TIAM2: variants seen among roughly 807,000 people sequenced by gnomAD.
TIAM2 encodes TIAM Rac1 associated GEF 2, also known as rho guanine nucleotide exchange factor TIAM2.
A neutral mutation model predicts 152.9 loss-of-function variants in TIAM2; 80 were observed. That is an observed-to-expected ratio of 0.52 (90% CI 0.44 to 0.63). TIAM2 has a LOEUF of 0.63. Among genes scored for constraint, TIAM2 ranks in the 30% least tolerant of loss-of-function variants. TIAM2 has a pLI of 0.00. For missense variants in TIAM2, 1,965 were observed against 2,120.1 expected, an observed-to-expected ratio of 0.93 and a Z score of 1.44; for synonymous variants, 804 against 838.0, an observed-to-expected ratio of 0.96 and a Z score of 0.70.
intron 2 of TIAM2, among the ~76,000 whole-genome samples, chr6:155,114,555 C>T (rs879320710): frequency 6.6e-6 from 1 of 151,918 alleles, no homozygotes; most frequent in Admixed American, 6.6e-5. Context: ...AAGACAATTA[C>T]CATGAAGCTT....
intron 4 of TIAM2, among the ~76,000 whole-genome samples, chr6:155,134,995 G>T (rs1779526657): frequency 6.6e-6 from 1 of 151,860 alleles, no homozygotes; most frequent in Admixed American, 6.6e-5. Context: ...GTGAGCCACC[G>T]AGCCCAGCCA....
At chr6:155,163,534 T>C (rs1231485716) in intron 7 of TIAM2, among the ~76,000 whole-genome samples, 1 of 152,232 alleles carries the variant, frequency 6.6e-6, no homozygotes, top group Non-Finnish European at 1.5e-5. Flanking sequence ...AACAGCTGCA[T>C]ATACTTTAAT....
In TIAM2 at chr6:155,130,123, G is replaced by A. The variant is rs767091470; in HGVS notation, c.900G>A (p.Arg300=). Residue 300 remains arginine (R), a synonymous_variant, in exon 4 of 27, where the codon CGG becomes CGA. Coordinates refer to ENST00000682666, the MANE Select transcript of TIAM2 (RefSeq NM_012454.4). ...AAAGCTCTTCCCTCTCCTCCCTCCG[G>A]GAACTGTACAAAGATGCCAACCTGG... ...FNQSSSLSSL[R]ELYKDANLGS... The A allele has an allele frequency of 1.4e-5, 22 of 1,613,986 alleles. No individual in the cohort carries two copies. The highest frequency in any genetic ancestry group is 1.8e-5 in the Non-Finnish European group (21 of 1,180,038).
At chr6:155,163,559 C>T (rs1008271222) in intron 7 of TIAM2, among the ~76,000 whole-genome samples, 10 of 152,136 alleles carry the variant, frequency 6.6e-5, no homozygotes, top group African/African-American at 2.4e-4. Flanking sequence ...TTTAGATGTA[C>T]AGATGGCAGT....
intron 1 of TIAM2, among the ~76,000 whole-genome samples, chr6:155,037,072 C>T (rs568694876): frequency 1.5e-4 from 23 of 152,314 alleles, no homozygotes; most frequent in African/African-American, 4.6e-4. Flanking sequence ...AGTTCAAGAA[C>T]ATTCTTCTAA....
intron 4 of TIAM2, among the ~76,000 whole-genome samples, chr6:155,131,964 A>G (rs1374469336): frequency 6.6e-6 from 1 of 151,992 alleles, no homozygotes; most frequent in Non-Finnish European, 1.5e-5. Flanking sequence ...ATAGAAAAAT[A>G]TATATACTGA....
At chr6:155,113,409 T>C (rs1778908519) in intron 2 of TIAM2, among the ~76,000 whole-genome samples, 1 of 152,106 alleles carries the variant, frequency 6.6e-6, no homozygotes, top group African/African-American at 2.4e-5. Context: ...TCAAAGTGCT[T>C]ATCACCTCCT....
At position 155,141,881 on chromosome 6, in the gene TIAM2, T is replaced by G. The variant is rs549757201; in HGVS notation, c.1631-2725T>G. Among the ~76,000 whole-genome samples, 9 of 152,298 alleles carry G rather than the reference T, an allele frequency of 5.9e-5. No individual in the cohort carries two copies. In the East Asian group the frequency reaches 1.7e-3, roughly 29 times the overall value. ...GACTAATTGCCCTCTTTCCCCTGGG[T>G]GAGATTTCTACTAATATTACGTCTC... On this transcript the variant is annotated intron_variant, in intron 5 of 26. Coordinates refer to ENST00000682666, the MANE Select transcript of TIAM2 (RefSeq NM_012454.4).
intron 1 of TIAM2, among the ~76,000 whole-genome samples, chr6:155,069,952 A>C: frequency 7.6e-6 from 1 of 132,402 alleles, no homozygotes; most frequent in Admixed American, 8.5e-5. Context: ...TTTTTGTGTG[A>C]CCCAGGCTGG....
At chr6:155,078,400 C>T (rs1777999635) in intron 1 of TIAM2, among the ~76,000 whole-genome samples, 2 of 152,142 alleles carry the variant, frequency 1.3e-5, no homozygotes, top group Non-Finnish European at 2.9e-5. Flanking sequence ...TTAGTAGCTG[C>T]CAGCATTAGG....
At chr6:155,099,216 ATATATG>A (rs1268349509) in intron 2 of TIAM2, among the ~76,000 whole-genome samples, 1 of 63,072 alleles carries the variant, frequency 1.6e-5, no homozygotes, top group East Asian at 4.8e-4. Flanking sequence ...ATGTGTATAT[ATATATG>A]TGTGTGTGTG....
At chr6:155,212,936 A>C (rs114093740) in intron 15 of TIAM2, among the ~76,000 whole-genome samples, 35 of 152,168 alleles carry the variant, frequency 2.3e-4, no homozygotes, top group Non-Finnish European at 4.0e-4. Flanking sequence ...GCTGGATCAC[A>C]CATATTACAA....
In TIAM2 at chr6:155,016,454, A is replaced by G. The variant is rs569236906; in HGVS notation, c.-209+20962A>G. 7.8e-5 allele frequency: 11 copies of G among 141,788 alleles called. No homozygotes were observed. In the South Asian group the frequency reaches 2.4e-3, roughly 31 times the overall value. The allele number at this position is 141,788 out of a possible 1,614,324, so 8.8% of individuals were successfully genotyped here. A position where few individuals can be genotyped will look rare whatever the true frequency, so the allele number is the denominator to read the frequency against. On this transcript the variant is annotated intron_variant, in intron 1 of 26. Coordinates refer to ENST00000682666, the MANE Select transcript of TIAM2 (RefSeq NM_012454.4). ...ATGTTAATGGTGCTTGGGAGGAGAG[A>G]GATTGGTAGTATGGGAATACTATAT...
chr6:155,045,838 C>G (rs1361164705), intron 1 of TIAM2, among the ~76,000 whole-genome samples: 4 of 45,138 alleles, frequency 8.9e-5, no homozygotes, highest in Non-Finnish European at 1.4e-4. Flanking sequence ...ACATAGTGCC[C>G]TCTTTTTTTT....
At chr6:155,181,518 A>G (rs1268267478) in intron 12 of TIAM2, among the ~76,000 whole-genome samples, 1 of 152,200 alleles carries the variant, frequency 6.6e-6, no homozygotes, top group African/African-American at 2.4e-5. Flanking sequence ...TTAGGTGTAC[A>G]GTTTTGTGAT....
intron 7 of TIAM2, among the ~76,000 whole-genome samples, chr6:155,160,127 GAGAGAC>G (rs1245631932): frequency 1.3e-5 from 2 of 152,170 alleles, no homozygotes; most frequent in Non-Finnish European, 2.9e-5. Flanking sequence ...GGAGACCTGG[GAGAGAC>G]AATGGTATAG....
At chr6:155,098,713 G>A (rs1778476362) in intron 2 of TIAM2, among the ~76,000 whole-genome samples, 2 of 152,144 alleles carry the variant, frequency 1.3e-5, no homozygotes, top group Admixed American at 1.3e-4. Flanking sequence ...CCCTGGCCAG[G>A]ATTTCCAGTA....
At chr6:154,997,629 A>ATTTTTTTT (rs57280691) in intron 1 of TIAM2, among the ~76,000 whole-genome samples, 3 of 62,110 alleles carry the variant, frequency 4.8e-5, no homozygotes, top group African/African-American at 1.4e-4. Context: ...GAAAGAATGG[A>ATTTTTTTT]TTTTTTTTTT....
chr6:155,172,439 A>G (rs1194306438), intron 9 of TIAM2, among the ~76,000 whole-genome samples: 1 of 151,660 alleles, frequency 6.6e-6, no homozygotes, highest in African/African-American at 2.4e-5. Context: ...TTCAAATGCA[A>G]TTCCTCCCAT....
Sources: gnomAD v4.1 joint callset for allele counts (sites outside exome capture counted in the v4.1 genomes callset) on GRCh38, gnomAD v4.1.1 for gene constraint, MANE v1.5 for transcripts, NCBI Gene and HGNC (gene_info 2026-07-23, HGNC 2026-07-21) for gene names.